GRIK2: variants seen among roughly 807,000 people sequenced by gnomAD.
GRIK2 encodes the protein glutamate ionotropic receptor kainate type subunit 2.
Under a neutral mutation model 100.3 loss-of-function variants are expected in GRIK2, and 32 were observed. The observed-to-expected ratio is 0.32, with a 90% CI of 0.24 to 0.43. GRIK2 has a LOEUF of 0.43. Among genes scored for constraint, GRIK2 ranks in the 20% least tolerant of loss-of-function variants. GRIK2 has a pLI of 1.00. For synonymous variants in GRIK2, 417 were observed against 389.4 expected, an observed-to-expected ratio of 1.07 and a Z score of -0.83; for missense variants, 843 against 1,114.9, an observed-to-expected ratio of 0.76 and a Z score of 3.47.
At chr6:101,492,146 A>G (rs1394049718) in intron 2 of GRIK2, among the ~76,000 whole-genome samples, 2 of 151,838 alleles carry the variant, frequency 1.3e-5, no homozygotes, top group Non-Finnish European at 2.9e-5. Context: ...TTAGGGTGAT[A>G]CTTTGTCTCC....
chr6:101,885,517 C>T (rs1786551391), intron 11 of GRIK2, among the ~76,000 whole-genome samples: 1 of 152,024 alleles, frequency 6.6e-6, no homozygotes, highest in Admixed American at 6.6e-5. Context: ...AATCACACTA[C>T]AAATTTTGTA....
chr6:101,784,772 C>T (rs1779319286), intron 7 of GRIK2, among the ~76,000 whole-genome samples: 1 of 152,140 alleles, frequency 6.6e-6, no homozygotes, highest in Non-Finnish European at 1.5e-5. Flanking sequence ...TACCTTTCTT[C>T]CCCTTTGCCT....
intron 2 of GRIK2, among the ~76,000 whole-genome samples, chr6:101,462,912 A>C (rs959419191): frequency 3.3e-5 from 5 of 152,216 alleles, no homozygotes; most frequent in Admixed American, 6.5e-5. Flanking sequence ...TACTTCCATC[A>C]AATTGGAACA....
At chr6:101,644,894 G>A (rs371674559) in intron 4 of GRIK2, among the ~76,000 whole-genome samples, 97 of 151,824 alleles carry the variant, frequency 6.4e-4, no homozygotes, top group African/African-American at 2.3e-3. Flanking sequence ...ATATTTCTTG[G>A]TGACTGTTTC....
At chr6:101,619,793 T>C (rs571949327) in intron 2 of GRIK2, among the ~76,000 whole-genome samples, 2 of 152,246 alleles carry the variant, frequency 1.3e-5, no homozygotes, top group South Asian at 4.1e-4. Flanking sequence ...TTTTGTATAT[T>C]TTGCCTGACT....
At position 101,781,600 on chromosome 6, in the gene GRIK2, ATACATACATACATT is replaced by A. The variant is rs149115872; in HGVS notation, c.952-18047_952-18034del. ...CCCTCTGGTATATACATACATACAT[ATACATACATACATT>A]ATGTATATGTGTGCGTGCATGATAT... On this transcript the variant is annotated intron_variant, in intron 7 of 16. Transcript: ENST00000369134. Among the ~76,000 whole-genome samples, 198 of 152,240 alleles carry A rather than the reference ATACATACATACATT, an allele frequency of 1.3e-3. 1 individual carries two copies. In the East Asian group the frequency reaches 0.026, roughly 20 times the overall value.
intron 2 of GRIK2, among the ~76,000 whole-genome samples, chr6:101,412,539 G>GA (rs757127598): frequency 6.6e-6 from 1 of 151,852 alleles, no homozygotes; most frequent in African/African-American, 2.4e-5. Flanking sequence ...AAATATTGAA[G>GA]AAAAAACTCA....
At chr6:101,959,512 T>C (rs1316704269) in intron 14 of GRIK2, among the ~76,000 whole-genome samples, 1 of 152,154 alleles carries the variant, frequency 6.6e-6, no homozygotes, top group African/African-American at 2.4e-5. Context: ...ATCAATATTG[T>C]TTATGATTTC....
intron 4 of GRIK2, among the ~76,000 whole-genome samples, chr6:101,627,117 CTGTGTGTGTGTGTGTGTG>C (rs111285339): frequency 2.1e-5 from 3 of 144,962 alleles, no homozygotes; most frequent in African/African-American, 5.2e-5. Context: ...GTGTGTGTCT[CTGTGTGTGTGTGTGTGTG>C]TGTGTGTGTG....
intron 14 of GRIK2, among the ~76,000 whole-genome samples, chr6:101,931,291 A>G (rs1426481469): frequency 7.2e-5 from 11 of 152,136 alleles, no homozygotes; most frequent in Admixed American, 6.5e-4. Context: ...ATTTTATACA[A>G]TTCTTTCATT....
At chr6:101,549,632 A>G (rs1313391754) in intron 2 of GRIK2, among the ~76,000 whole-genome samples, 1 of 152,134 alleles carries the variant, frequency 6.6e-6, no homozygotes, top group Non-Finnish European at 1.5e-5. Context: ...CTTTATGGAT[A>G]AAATTTCCTT....
chr6:101,867,729 C>G (rs975188601), intron 11 of GRIK2, among the ~76,000 whole-genome samples: 1 of 150,994 alleles, frequency 6.6e-6, no homozygotes, highest in Non-Finnish European at 1.5e-5. Context: ...TCATGCAGTT[C>G]CAAAATTAAT....
chr6:101,420,792 C>A (rs1278040864), intron 2 of GRIK2, among the ~76,000 whole-genome samples: 2 of 152,118 alleles, frequency 1.3e-5, no homozygotes, highest in African/African-American at 4.8e-5. Context: ...CCACGATGTG[C>A]AAATATGAAG....
At chr6:102,057,073 A>G (rs570287294) in intron 16 of GRIK2, among the ~76,000 whole-genome samples, 6 of 152,136 alleles carry the variant, frequency 3.9e-5, no homozygotes, top group Non-Finnish European at 8.8e-5. Flanking sequence ...TAAAGAGCTA[A>G]CCAAAGAAGA....
chr6:102,068,809 A>T lies in GRIK2; in HGVS notation c.*298A>T, dbSNP rs1772138345. The T allele has an allele frequency of 4.7e-6, 1 of 213,866 alleles. No individual in the cohort carries two copies. The highest frequency in any genetic ancestry group is 9.4e-6 in the Non-Finnish European group (1 of 106,922). 13.2% of individuals were successfully genotyped at this position (213,866 alleles called of 1,614,324 possible). ...TGATTTCAAATGCAGTCCAGTGAGA[A>T]ATTACAGGTTCCTTTTGAAGCTCAA... On this transcript the variant is annotated 3_prime_UTR_variant, in exon 17 of 17. Coordinates refer to ENST00000369134, the MANE Select transcript of GRIK2 (RefSeq NM_021956.5).
chr6:101,728,496 A>T (rs1200631462), intron 7 of GRIK2, among the ~76,000 whole-genome samples: 1 of 152,054 alleles, frequency 6.6e-6, no homozygotes, highest in Non-Finnish European at 1.5e-5. Context: ...AAAAGAGAAA[A>T]TGAAATTAGT....
chr6:101,685,381 T>C (rs1392325508), intron 6 of GRIK2, among the ~76,000 whole-genome samples: 1 of 152,166 alleles, frequency 6.6e-6, no homozygotes, highest in Admixed American at 6.6e-5. Flanking sequence ...ACAGAACCAA[T>C]GGCATTAATC....
chr6:101,762,986 C>A (rs1296298374), intron 7 of GRIK2, among the ~76,000 whole-genome samples: 2 of 151,286 alleles, frequency 1.3e-5, no homozygotes, highest in South Asian at 2.1e-4. Flanking sequence ...TCAGCCCAGA[C>A]AGACTCAACA....
At chr6:101,708,312 G>C (rs917153402) in intron 7 of GRIK2, among the ~76,000 whole-genome samples, 2 of 151,212 alleles carry the variant, frequency 1.3e-5, no homozygotes, top group African/African-American at 4.9e-5. Flanking sequence ...ATGGAAATCA[G>C]CATTATTCAA....
Sources: gnomAD v4.1 joint callset for allele counts (sites outside exome capture counted in the v4.1 genomes callset) on GRCh38, gnomAD v4.1.1 for gene constraint, MANE v1.5 for transcripts, NCBI Gene and HGNC (gene_info 2026-07-23, HGNC 2026-07-21) for gene names.